The following FAM107B variants were observed in gnomAD, a reference collection of about 807,000 sequenced individuals.
FAM107B encodes protein FAM107B.
A neutral mutation model predicts 31.5 loss-of-function variants in FAM107B; 21 were observed. The ratio of observed to expected loss-of-function variants is 0.67; its 90% CI spans 0.47 to 0.96. FAM107B has a LOEUF of 0.96. Among genes scored for constraint, FAM107B ranks in the 40% least tolerant of loss-of-function variants. FAM107B has a pLI of 0.00. For synonymous variants in FAM107B, 157 were observed against 141.5 expected (o/e 1.11, Z -0.78); for missense variants, 452 against 377.1 (o/e 1.20, Z -1.64).
intron 1 of FAM107B, among the ~76,000 whole-genome samples, chr10:14,764,543 G>A (rs1833124306): frequency 6.6e-6 from 1 of 152,098 alleles, no homozygotes; most frequent in Non-Finnish European, 1.5e-5. Flanking sequence ...GGCCTTCCCT[G>A]GTGCAGAATT....
At chr10:14,767,438 A>T (rs1833207241) in intron 1 of FAM107B, among the ~76,000 whole-genome samples, 2 of 152,010 alleles carry the variant, frequency 1.3e-5, no homozygotes, top group South Asian at 4.1e-4. Context: ...ACTAGCAAAC[A>T]GAAAACTGCA....
intron 2 of FAM107B, among the ~76,000 whole-genome samples, chr10:14,562,335 G>A (rs1389883177): frequency 1.3e-5 from 2 of 152,188 alleles, no homozygotes; most frequent in Non-Finnish European, 2.9e-5. Context: ...TCTTGGGAGA[G>A]ATTCTAAACC....
chr10:14,731,006 CT>C (rs1160471776), intron 1 of FAM107B, among the ~76,000 whole-genome samples: 1 of 152,106 alleles, frequency 6.6e-6, no homozygotes, highest in Non-Finnish European at 1.5e-5. Flanking sequence ...TAGAGGGGTG[CT>C]GTCACCATGA....
chr10:14,586,312 G>A (rs958513861), intron 2 of FAM107B, among the ~76,000 whole-genome samples: 2 of 152,190 alleles, frequency 1.3e-5, no homozygotes, highest in East Asian at 3.9e-4. Flanking sequence ...CGTCTCTGTG[G>A]TAGATTTAAA....
chr10:14,589,086 G>A (rs1332319613), intron 2 of FAM107B, among the ~76,000 whole-genome samples: 5 of 151,298 alleles, frequency 3.3e-5, no homozygotes, highest in Non-Finnish European at 7.4e-5. Flanking sequence ...GGAGGCTGAG[G>A]CAGGAGAATC....
At chr10:14,751,767 C>T (rs1008791103) in intron 1 of FAM107B, among the ~76,000 whole-genome samples, 1 of 152,042 alleles carries the variant, frequency 6.6e-6, no homozygotes, top group African/African-American at 2.4e-5. Context: ...CTCTGTGTTC[C>T]GCAAGAGCTG....
chr10:14,758,340 G>A (rs143099474), intron 1 of FAM107B, among the ~76,000 whole-genome samples: 12 of 152,220 alleles, frequency 7.9e-5, no homozygotes, highest in African/African-American at 1.2e-4. Flanking sequence ...CCTATTTCAC[G>A]GAAATACTGC....
chr10:14,572,761 T>TATATATATATATATATATATATA (rs1554835550), intron 2 of FAM107B, among the ~76,000 whole-genome samples: 7,583 of 75,524 alleles, frequency 0.1, 356 homozygotes, highest in East Asian at 0.2. Context: ...ATATATATAT[T>TATATATATATATATATATATATA]AGAGTGTGTG....
At chr10:14,768,710 C>T (rs1469802127) in intron 1 of FAM107B, among the ~76,000 whole-genome samples, 5 of 152,146 alleles carry the variant, frequency 3.3e-5, no homozygotes, top group African/African-American at 7.2e-5. Flanking sequence ...AAATGAATCA[C>T]TCTCCTTCCT....
chr10:14,712,462 T>C (rs1855671861), intron 1 of FAM107B, among the ~76,000 whole-genome samples: 3 of 151,626 alleles, frequency 2.0e-5, no homozygotes, highest in Admixed American at 2.0e-4. Context: ...GCTGTGGTGA[T>C]GGGCGCTTGT....
At chr10:14,589,650 G>C (rs1202798883) in intron 2 of FAM107B, among the ~76,000 whole-genome samples, 8 of 152,104 alleles carry the variant, frequency 5.3e-5, no homozygotes, top group African/African-American at 1.9e-4. Context: ...ACATTCTTGG[G>C]GGATGAGGGG....
At chr10:14,723,176 A>C (rs1855952662) in intron 1 of FAM107B, 3 of 513,846 alleles carry the variant, frequency 5.8e-6, no homozygotes, top group Admixed American at 4.1e-5. Flanking sequence ...GCTTAAGACC[A>C]TTCAGTGGTT....
intron 2 of FAM107B, among the ~76,000 whole-genome samples, chr10:14,660,430 T>A (rs974072789): frequency 1.3e-5 from 2 of 152,212 alleles, no homozygotes; most frequent in Non-Finnish European, 2.9e-5. Context: ...GAAAGCATGG[T>A]TGGCCCATTC....
In FAM107B at chr10:14,519,339, A is replaced by G. The variant is rs940467298; in HGVS notation, c.*1851T>C. On this transcript the variant is annotated 3_prime_UTR_variant, in exon 5 of 5. Transcript: ENST00000181796. ...AGATATGAGCCAGTCCCGAATCTTC[A>G]TTTTACAAACAGCATCGCTAGTCCA... 6.6e-6 allele frequency: 1 copy of G among 152,138 alleles called. No homozygotes were observed. Among genetic ancestry groups the G allele is most frequent in the Non-Finnish European group, 1.5e-5 (1 of 68,024 alleles). The allele number at this position is 152,138 out of a possible 1,614,324, so 9.4% of individuals were successfully genotyped here. A position where few individuals can be genotyped will look rare whatever the true frequency, so the allele number is the denominator to read the frequency against.
chr10:14,538,306 C>T (rs1847847943), intron 2 of FAM107B, among the ~76,000 whole-genome samples: 1 of 152,118 alleles, frequency 6.6e-6, no homozygotes, highest in South Asian at 2.1e-4. Context: ...AAACTGGAGG[C>T]AACTCAAATG....
chr10:14,598,667 T>C (rs12243509), intron 2 of FAM107B, among the ~76,000 whole-genome samples: 2,105 of 152,332 alleles, frequency 0.014, 56 homozygotes, highest in African/African-American at 0.049. Flanking sequence ...CACCGTACGC[T>C]TAAAAATCTG....
chr10:14,767,055 T>TATATATATATATATATATGG (rs1440609298), intron 1 of FAM107B, among the ~76,000 whole-genome samples: 1 of 18,268 alleles, frequency 5.5e-5, no homozygotes. Flanking sequence ...TATATATATA[T>TATATATATATATATATATGG]AGAGAGAGAG....
chr10:14,754,559 T>C (rs958274353), intron 1 of FAM107B, among the ~76,000 whole-genome samples: 1 of 152,166 alleles, frequency 6.6e-6, no homozygotes, highest in Admixed American at 6.5e-5. Flanking sequence ...CCCTCAGAAC[T>C]ACTGGCAGCC....
chr10:14,566,316 A>C (rs1850663179), intron 2 of FAM107B, among the ~76,000 whole-genome samples: 1 of 152,174 alleles, frequency 6.6e-6, no homozygotes, highest in Non-Finnish European at 1.5e-5. Flanking sequence ...TAACAACAGA[A>C]GATAGCAAAG....
Sources: gnomAD v4.1 joint callset for allele counts (sites outside exome capture counted in the v4.1 genomes callset) on GRCh38, gnomAD v4.1.1 for gene constraint, MANE v1.5 for transcripts, NCBI Gene and HGNC (gene_info 2026-07-23, HGNC 2026-07-21) for gene names.